Variants in IDO2 observed in about 807,000 individuals in gnomAD.
IDO2 encodes indoleamine 2,3-dioxygenase 2.
A neutral mutation model predicts 45.1 loss-of-function variants in IDO2; 46 were observed. The observed-to-expected ratio is 1.02, with a 90% CI of 0.80 to 1.30. IDO2 has a LOEUF of 1.30. Ranked by LOEUF, IDO2 falls within the 50% of genes most tolerant of loss-of-function variation. The pLI, the probability that IDO2 is intolerant of heterozygous loss-of-function variation, is 0.00. For missense variants in IDO2, 544 were observed against 491.8 expected, an observed-to-expected ratio of 1.11 and a Z score of -1.00; for synonymous variants, 218 against 184.9, an observed-to-expected ratio of 1.18 and a Z score of -1.45.
At chr8:39,985,297 C>A (rs981545686) in intron 5 of IDO2, 1 of 582,896 alleles carries the variant, frequency 1.7e-6, no homozygotes, top group Non-Finnish European at 3.1e-6. Context: ...ATGTCGCTCA[C>A]CCTTTATCAC....
intron 3 of IDO2, among the ~76,000 whole-genome samples, chr8:39,978,852 T>C (rs1311287163): frequency 6.6e-6 from 1 of 152,114 alleles, no homozygotes; most frequent in Non-Finnish European, 1.5e-5. Context: ...GGTTAGGTTC[T>C]TCCTGAGCAA....
In IDO2 at chr8:39,972,090, G is replaced by A. The variant is rs546633911; in HGVS notation, c.196-6977G>A. Among the ~76,000 whole-genome samples, 29 of 152,306 alleles carry A rather than the reference G, an allele frequency of 1.9e-4. No individual in the cohort carries two copies. The South Asian group carries it at 2.3e-3, about 12-fold the overall frequency. On this transcript the variant is annotated intron_variant, in intron 3 of 10. Coordinates refer to ENST00000502986, the Ensembl canonical transcript of IDO2. ...CTCCCAAAGTGCTGGGATTACAGGC[G>A]TGGGCCAACACCCCGGCTGCATGAT...
chr8:40,006,643 A>ATTTTATT (rs1554549662), intron 9 of IDO2, among the ~76,000 whole-genome samples: 8 of 146,722 alleles, frequency 5.5e-5, no homozygotes, highest in Non-Finnish European at 1.0e-4. Flanking sequence ...GAACTCTACT[A>ATTTTATT]TTATTTTATT....
chr8:39,981,917 T>TA (rs1808359483), intron 4 of IDO2, among the ~76,000 whole-genome samples: 2 of 152,206 alleles, frequency 1.3e-5, no homozygotes, highest in South Asian at 2.1e-4. Context: ...GTTCCTTGGA[T>TA]AAAAAAGGTT....
At chr8:39,964,982 C>T (rs955731564) in intron 3 of IDO2, among the ~76,000 whole-genome samples, 1 of 152,200 alleles carries the variant, frequency 6.6e-6, no homozygotes, top group African/African-American at 2.4e-5. Flanking sequence ...AAGCCTGGAA[C>T]AGTTGGCAAG....
exon 1 of IDO2, chr8:39,935,209 C>T: frequency 6.2e-7 from 1 of 1,613,228 alleles, no homozygotes; most frequent in Non-Finnish European, 8.5e-7. Context: ...GTTGCATTTT[C>T]ATTATTATGG....
exon 11 of IDO2, chr8:40,015,541 T>C (rs762470687): frequency 2.5e-6 from 4 of 1,611,840 alleles, no homozygotes; most frequent in Admixed American, 1.7e-5. Flanking sequence ...ACCGCAGTTA[T>C]GAGCTTTCTT....
At chr8:40,004,423 A>C (rs1449227894) in intron 8 of IDO2, among the ~76,000 whole-genome samples, 2 of 150,202 alleles carry the variant, frequency 1.3e-5, no homozygotes, top group Non-Finnish European at 1.5e-5. Flanking sequence ...TAGATAGATG[A>C]TAGATAGAGA....
At chr8:39,942,852 A>T (rs1183745923) in intron 1 of IDO2, among the ~76,000 whole-genome samples, 1 of 152,200 alleles carries the variant, frequency 6.6e-6, no homozygotes, top group Admixed American at 6.6e-5. Flanking sequence ...TGGTTGTATA[A>T]TATTACAGGA....
At chr8:40,012,236 C>A (rs1175284572) in intron 9 of IDO2, among the ~76,000 whole-genome samples, 1 of 152,172 alleles carries the variant, frequency 6.6e-6, no homozygotes, top group Admixed American at 6.5e-5. Context: ...CAATGTGGAT[C>A]TGCTGTTTAA....
chr8:39,952,807 A>G (rs1398555986), intron 2 of IDO2, among the ~76,000 whole-genome samples: 3 of 151,112 alleles, frequency 2.0e-5, no homozygotes, highest in African/African-American at 7.3e-5. Flanking sequence ...GGCGTCTTGT[A>G]CCCCAGGTTG....
intron 8 of IDO2, among the ~76,000 whole-genome samples, chr8:39,996,707 A>G (rs1008015135): frequency 2.6e-5 from 4 of 152,202 alleles, no homozygotes; most frequent in African/African-American, 4.8e-5. Context: ...GAGCCACCGC[A>G]TCCAGCCAGC....
chr8:39,999,276 C>CTTTT (rs35720120), intron 8 of IDO2, among the ~76,000 whole-genome samples: 4,305 of 78,346 alleles, frequency 0.055, 232 homozygotes, highest in Admixed American at 0.06. Flanking sequence ...TCTGCTGCTG[C>CTTTT]TTTTTTTTTT....
chr8:39,957,064 A>AC (rs1807915670), intron 2 of IDO2, among the ~76,000 whole-genome samples: 1 of 150,864 alleles, frequency 6.6e-6, no homozygotes, highest in African/African-American at 2.4e-5. Flanking sequence ...AAAAAAAAAA[A>AC]AGAGATCAAT....
intron 1 of IDO2, among the ~76,000 whole-genome samples, chr8:39,946,661 A>T (rs1367873341): frequency 6.6e-6 from 1 of 152,142 alleles, no homozygotes; most frequent in Non-Finnish European, 1.5e-5. Flanking sequence ...GCTCCCGGAG[A>T]CTGATTTGAA....
intron 7 of IDO2, 80 bp downstream of exon 7, chr8:39,988,050 GA>G: frequency 1.3e-6 from 1 of 791,486 alleles, no homozygotes; most frequent in East Asian, 2.7e-5. Flanking sequence ...TCCTGCAGTG[GA>G]TTTCTCAACA....
intron 8 of IDO2, among the ~76,000 whole-genome samples, chr8:40,003,705 A>C (rs1226882846): frequency 6.6e-6 from 1 of 152,104 alleles, no homozygotes; most frequent in Non-Finnish European, 1.5e-5. Flanking sequence ...TCATTTATAA[A>C]ATTTACAACT....
intron 3 of IDO2, among the ~76,000 whole-genome samples, chr8:39,978,343 G>A (rs965877069): frequency 6.6e-6 from 1 of 152,222 alleles, no homozygotes; most frequent in Non-Finnish European, 1.5e-5. Context: ...GGGCTGGGGC[G>A]AGGGGAAGAG....
At chr8:40,013,761 A>T in intron 10 of IDO2, 48 bp downstream of exon 10, 3 of 1,243,812 alleles carry the variant, frequency 2.4e-6, no homozygotes, top group Non-Finnish European at 3.1e-6. Flanking sequence ...GAGGAAGAGG[A>T]GAGGTGTTTT....
Sources: allele counts gnomAD v4.1 joint callset (sites outside exome capture counted in the v4.1 genomes callset), GRCh38; gene constraint gnomAD v4.1.1; transcripts MANE v1.5; gene names NCBI Gene and HGNC (gene_info 2026-07-23, HGNC 2026-07-21).